The following DNAAF1 variants were observed in gnomAD, a reference collection of about 807,000 sequenced individuals.
DNAAF1 encodes dynein axonemal assembly factor 1, also known as dynein assembly factor 1, axonemal.
A neutral mutation model predicts 71.1 loss-of-function variants in DNAAF1; 65 were observed. That is an observed-to-expected ratio of 0.91 (90% CI 0.75 to 1.12). DNAAF1 has a LOEUF of 1.12. DNAAF1 is among the 50% of genes most tolerant of loss of function. DNAAF1 has a pLI of 0.00. For missense variants in DNAAF1, 1,178 were observed against 899.8 expected, an observed-to-expected ratio of 1.31 and a Z score of -3.96; for synonymous variants, 414 against 354.6, an observed-to-expected ratio of 1.17 and a Z score of -1.88.
intron 5 of DNAAF1, among the ~76,000 whole-genome samples, chr16:84,157,946 G>A (rs140746192): frequency 1.9e-4 from 29 of 152,204 alleles, no homozygotes; most frequent in African/African-American, 6.5e-4. Flanking sequence ...AGTGGCTCAC[G>A]CCTGTAATCC....
chr16:84,177,186 C>G (rs2088748441), intron 11 of DNAAF1: 1 of 187,232 alleles, frequency 5.3e-6, no homozygotes, highest in African/African-American at 2.4e-5. Flanking sequence ...GCCTTCTCTT[C>G]CACTCTAGGA....
At position 84,177,917 on chromosome 16, in the gene DNAAF1, C is replaced by G. The variant is rs2088829064; in HGVS notation, c.*76C>G. On this transcript the variant is annotated 3_prime_UTR_variant, in exon 12 of 12. Coordinates refer to ENST00000378553, the MANE Select transcript of DNAAF1 (RefSeq NM_178452.6). ...TAGGCATGATAAACATTTTAACACC[C>G]ACGCGAGTCAGTGTATGATTGGGCT... 3.2e-6 allele frequency: 4 copies of G among 1,233,362 alleles called. No homozygotes were observed. The highest frequency in any genetic ancestry group is 4.8e-6 in the Non-Finnish European group (4 of 841,542). The allele number at this position is 1,233,362 out of a possible 1,614,324, so 76.4% of individuals were successfully genotyped here.
chr16:84,170,179 C>T lies in DNAAF1; in HGVS notation c.1351C>T (p.Pro451Ser), dbSNP rs776024604. 1.2e-6 allele frequency: 2 copies of T among 1,611,670 alleles called. No individual in the cohort carries two copies. Among genetic ancestry groups the T allele is most frequent in the African/African-American group, 2.7e-5 (2 of 74,614 alleles). ...TLPAEAPPPP[P>S]PVEVKGEDGD... ...CCCAGCTGAGGCCCCACCACCCCCG[C>T]CACCTGTGGAGGTTAAAGGAGAGGA... Residue 451 changes from proline to serine, a missense_variant, in exon 8 of 12, where the codon CCA (proline) becomes TCA (serine). Physicochemically the swap from Pro to Ser is moderately conservative, Grantham distance 74. Coordinates refer to ENST00000378553, the MANE Select transcript of DNAAF1 (RefSeq NM_178452.6).
At chr16:84,161,060 G>A (rs887203082) in intron 6 of DNAAF1, among the ~76,000 whole-genome samples, 3 of 152,164 alleles carry the variant, frequency 2.0e-5, no homozygotes, top group African/African-American at 7.2e-5. Context: ...GTGTGCAGGG[G>A]TCTGACTCCC....
Position 84,170,077 on chromosome 16 carries a change from C to T in DNAAF1, c.1249C>T (p.Pro417Ser), listed in dbSNP as rs779597799. The stretch of plus-strand genomic sequence containing the variant: ...AGGTCCAGAGCCAGAGGGGACCCTC[C>T]CAGCTGAGACCCTGCTACTGTCGTC... ...DGGPEPEGTL[P>S]AETLLLSSPV... is the part of the protein sequence containing the mutation. Residue 417 changes from proline (P) to serine (S), a missense_variant, in exon 8 of 12, where the codon CCA becomes TCA. Coordinates refer to ENST00000378553, the MANE Select transcript of DNAAF1 (RefSeq NM_178452.6). 40 of 1,612,600 alleles carry T rather than the reference C, an allele frequency of 2.5e-5. No homozygotes were observed. The highest frequency in any genetic ancestry group is 3.2e-5 in the Non-Finnish European group (38 of 1,179,452).
intron 9 of DNAAF1, chr16:84,173,033 C>T (rs1442825670): frequency 2.0e-5 from 20 of 990,134 alleles, no homozygotes; most frequent in East Asian, 2.2e-4. Flanking sequence ...TGATGGGGCA[C>T]GAATAGGAGA....
intron 5 of DNAAF1, among the ~76,000 whole-genome samples, chr16:84,156,849 T>G (rs1310169512): frequency 7.2e-6 from 1 of 139,614 alleles, no homozygotes; most frequent in African/African-American, 2.7e-5. Flanking sequence ...CTTTCTTTCT[T>G]TCTTTTTTTT....
intron 8 of DNAAF1, 38 bp from the exon 9 acceptor site, chr16:84,172,222 G>C (rs1321027222): frequency 6.3e-7 from 1 of 1,595,972 alleles, no homozygotes; most frequent in Non-Finnish European, 8.6e-7. Context: ...TGCCTGCCGT[G>C]TGTTAAACTA....
chr16:84,176,342 T>TC lies in DNAAF1; in HGVS notation c.2065+47dup. On this transcript the variant is annotated intron_variant, in intron 11 of 11. Transcript: ENST00000378553. ...AGAGCACAGTGGAGACAATGTTGGC[T>TC]CCCCGGCCTGGGATGGGTGGGGCAG... 3 of 1,611,698 alleles carry TC rather than the reference T, an allele frequency of 1.9e-6. No individual in the cohort carries two copies. In the South Asian group the frequency reaches 3.3e-5, roughly 18 times the overall value.
chr16:84,148,478 C>G (rs1017060525), intron 1 of DNAAF1, among the ~76,000 whole-genome samples: 6 of 151,298 alleles, frequency 4.0e-5, no homozygotes, highest in African/African-American at 1.5e-4. Flanking sequence ...TCCATGTTTT[C>G]TTGTGCACCT....
At chr16:84,165,009 C>T (rs2087899496) in intron 6 of DNAAF1, among the ~76,000 whole-genome samples, 1 of 152,196 alleles carries the variant, frequency 6.6e-6, no homozygotes, top group Non-Finnish European at 1.5e-5. Flanking sequence ...CCTGAGGACA[C>T]GTGATGTGGA....
chr16:84,171,616 C>T (rs1244603051), intron 8 of DNAAF1, among the ~76,000 whole-genome samples: 10 of 152,272 alleles, frequency 6.6e-5, no homozygotes, highest in Non-Finnish European at 1.0e-4. Flanking sequence ...GACAGGCTGG[C>T]GGTGGGCTGT....
At chr16:84,155,020 T>TG (rs1479455229) in intron 4 of DNAAF1, among the ~76,000 whole-genome samples, 1 of 151,624 alleles carries the variant, frequency 6.6e-6, no homozygotes, top group Non-Finnish European at 1.5e-5. Context: ...GCCATTCTCC[T>TG]GCCTTAGCCT....
At position 84,152,391 on chromosome 16, in the gene DNAAF1, G is replaced by A. The variant is rs556262672; in HGVS notation, c.352+2049G>A. Among the ~76,000 whole-genome samples the A allele has an allele frequency of 5.2e-4, 79 of 151,818 alleles. 2 individuals carry two copies. Among genetic ancestry groups the A allele is most frequent in the Middle Eastern group, 3.4e-3 (1 of 292 alleles). ...CTTAAGGCCAGGCGTGGTGGCTCAC[G>A]CCTGTGATCCCAGCAATGTGGGAGG... On this transcript the variant is annotated intron_variant, in intron 3 of 11. Coordinates refer to ENST00000378553, the MANE Select transcript of DNAAF1 (RefSeq NM_178452.6).
intron 7 of DNAAF1, 65 bp from the exon 8 acceptor site, chr16:84,169,794 T>G: frequency 2.5e-6 from 4 of 1,605,730 alleles, no homozygotes; most frequent in Non-Finnish European, 3.4e-6. Flanking sequence ...GCCCTTGATG[T>G]ACCCACAAAC....
rs201298011 is a variant in DNAAF1, at chr16:84,170,406, C to G, written c.1528+50C>G. On this transcript the variant is annotated intron_variant, in intron 8 of 11. Transcript: ENST00000378553. ...CAGACACACACACCTCTCAGGGAGC[C>G]CCAGCCTTCGACTCACGTCTCTGTG... is the stretch of plus-strand genomic sequence containing the variant. The G allele has an allele frequency of 2.7e-4, 437 of 1,611,900 alleles. No individual in the cohort carries two copies. The African/African-American group carries it at 5.3e-3, about 20-fold the overall frequency.
At position 84,176,224 on chromosome 16, in the gene DNAAF1, A is replaced by G. The variant is rs199680570; in HGVS notation, c.1990A>G (p.Thr664Ala). Residue 664 changes from threonine (T) to alanine (A), a missense_variant, in exon 11 of 12, where the codon ACC (threonine) becomes GCC (alanine). By Grantham distance (58) the Thr-to-Ala change is moderately conservative (BLOSUM62 0). Coordinates refer to ENST00000378553, the MANE Select transcript of DNAAF1 (RefSeq NM_178452.6). ...CTCTGGCCAGCTACTGATGCCCCCCACCTGCCAAAGAGATGCTGCACCACT... is the reference window on the plus strand; with the variant it reads ...CTCTGGCCAGCTACTGATGCCCCCCGCCTGCCAAAGAGATGCTGCACCACT... Reference protein sequence around the residue: ...DPSGQLLMPPTCQRDAAPLTS... With the variant: ...DPSGQLLMPPACQRDAAPLTS... 60 of 1,613,452 alleles carry G rather than the reference A, an allele frequency of 3.7e-5. No individual in the cohort carries two copies. The East Asian group carries it at 1.3e-3, about 36-fold the overall frequency.
rs375710371 is a variant in DNAAF1, at chr16:84,155,635, C to A, written c.627C>A (p.Thr209=). Residue 209 remains threonine (T), a synonymous_variant, in exon 5 of 12, where the codon ACC becomes ACA. Coordinates refer to ENST00000378553, the MANE Select transcript of DNAAF1 (RefSeq NM_178452.6). ...AGATGGCCCACAATCACCTGGAGAC[C>A]GTGGAGGACATTCAGCATCTACAAG... ...TLQMAHNHLE[T]VEDIQHLQEC... 1.2e-6 allele frequency: 2 copies of A among 1,614,002 alleles called. No individual in the cohort carries two copies. The highest frequency in any genetic ancestry group is 1.3e-5 in the African/African-American group (1 of 74,902).
chr16:84,169,183 C>T (rs1416135341), intron 7 of DNAAF1, among the ~76,000 whole-genome samples: 2 of 148,198 alleles, frequency 1.3e-5, no homozygotes, highest in African/African-American at 2.5e-5. Flanking sequence ...AAGCGCTTCT[C>T]CTGCCTCAGT....
Sources: allele counts gnomAD v4.1 joint callset (sites outside exome capture counted in the v4.1 genomes callset), GRCh38; gene constraint gnomAD v4.1.1; transcripts MANE v1.5; gene names NCBI Gene and HGNC (gene_info 2026-07-23, HGNC 2026-07-21).